OSBPL10: variants seen among roughly 807,000 people sequenced by gnomAD.
OSBPL10 encodes the protein oxysterol binding protein like 10, also known as oxysterol-binding protein-related protein 10.
A neutral mutation model predicts 81.7 loss-of-function variants in OSBPL10; 49 were observed. The observed-to-expected ratio is 0.60, with a 90% confidence interval of 0.48 to 0.76. The LOEUF (loss-of-function observed/expected upper bound fraction) is 0.76. Among genes scored for constraint, OSBPL10 ranks in the 30% least tolerant of loss-of-function variants. OSBPL10 has a pLI of 0.00. For synonymous variants in OSBPL10, 419 were observed against 383.6 expected, an observed-to-expected ratio of 1.09 and a Z score of -1.08; for missense variants, 923 against 987.8, an observed-to-expected ratio of 0.93 and a Z score of 0.88.
rs139173445 is a variant in OSBPL10 at position 32,060,406 on chromosome 3, G to A, written n.186-13803C>T. 6.6e-5 allele frequency among the ~76,000 whole-genome samples: 10 copies of A among 152,192 alleles called. No individual in the cohort carries two copies. In the South Asian group the frequency reaches 8.3e-4, roughly 13 times the overall value. On this transcript the variant is annotated intron_variant and non_coding_transcript_variant, in intron 1 of 3. Transcript: ENST00000479173. Reference sequence around the variant, plus strand: ...TGTCCATCAAATGCCCAGGCCGAACGCCATCATTCTCAACTTCTTGTCCTT... The same window carrying A: ...TGTCCATCAAATGCCCAGGCCGAACACCATCATTCTCAACTTCTTGTCCTT...
intron 6 of OSBPL10, chr3:31,732,690 G>C (rs1013454065): frequency 6.5e-6 from 1 of 152,866 alleles, no homozygotes; most frequent in African/African-American, 2.4e-5. Context: ...AGTCCATGAA[G>C]CCTGTTGGAG....
chr3:31,782,256 C>T (rs985878537), intron 4 of OSBPL10, among the ~76,000 whole-genome samples: 1 of 152,264 alleles, frequency 6.6e-6, no homozygotes, highest in African/African-American at 2.4e-5. Flanking sequence ...GAAGCTGGAT[C>T]CTCATCTTTC....
intron 4 of OSBPL10, among the ~76,000 whole-genome samples, chr3:31,754,436 G>A (rs138656260): frequency 1.3e-5 from 2 of 152,284 alleles, no homozygotes; most frequent in East Asian, 3.9e-4. Context: ...GAGAGAGGGT[G>A]CTGGCTAAAC....
At chr3:31,930,980 A>G (rs1476653968) in intron 1 of OSBPL10, among the ~76,000 whole-genome samples, 1 of 133,412 alleles carries the variant, frequency 7.5e-6, no homozygotes, top group African/African-American at 2.9e-5. Flanking sequence ...CCCCCACTGC[A>G]CTCCAGCCTG....
At position 31,764,119 on chromosome 3, in the gene OSBPL10, A is replaced by G. The variant is rs1293301201; in HGVS notation, c.730-15999T>C. Among the ~76,000 whole-genome samples, 6 of 152,208 alleles carry G rather than the reference A, an allele frequency of 3.9e-5. No individual in the cohort carries two copies. In the East Asian group the frequency reaches 1.2e-3, roughly 29 times the overall value. ...AAAGAGCTAACCGCCCTTTGCAGAC[A>G]CCTGCATTTAGAACTGCTTTCTACT... On this transcript the variant is annotated intron_variant, in intron 4 of 11. Coordinates refer to ENST00000396556, the MANE Select transcript of OSBPL10 (RefSeq NM_017784.5).
intron 1 of OSBPL10, among the ~76,000 whole-genome samples, chr3:31,911,575 C>T (rs986815014): frequency 6.7e-6 from 1 of 148,498 alleles, no homozygotes; most frequent in African/African-American, 2.5e-5. Context: ...TTGGGCCACA[C>T]ATAAAATATA....
intron 1 of OSBPL10, among the ~76,000 whole-genome samples, chr3:31,894,751 G>A (rs1004350635): frequency 9.2e-5 from 14 of 152,154 alleles, no homozygotes; most frequent in Admixed American, 8.5e-4. Flanking sequence ...CTGAAACCAG[G>A]TGTGGCAGAG....
chr3:31,768,604 A>T (rs374380572), intron 4 of OSBPL10, among the ~76,000 whole-genome samples: 3 of 152,160 alleles, frequency 2.0e-5, no homozygotes, highest in African/African-American at 7.2e-5. Flanking sequence ...TCCAGGGATA[A>T]ATTGGCCTAT....
At chr3:31,824,648 G>C (rs937682944) in intron 4 of OSBPL10, among the ~76,000 whole-genome samples, 4 of 152,280 alleles carry the variant, frequency 2.6e-5, no homozygotes, top group East Asian at 3.9e-4. Flanking sequence ...TGGACGCAGA[G>C]TGAGTGATCA....
intron 9 of OSBPL10, among the ~76,000 whole-genome samples, chr3:31,670,098 T>C (rs1700286296): frequency 6.6e-6 from 1 of 152,208 alleles, no homozygotes; most frequent in Non-Finnish European, 1.5e-5. Context: ...AATCAGTTCT[T>C]ACGAGCTGGT....
At chr3:31,670,514 G>A (rs1370595049) in intron 9 of OSBPL10, among the ~76,000 whole-genome samples, 2 of 152,158 alleles carry the variant, frequency 1.3e-5, no homozygotes, top group Non-Finnish European at 2.9e-5. Context: ...ACAAACTGTG[G>A]CTTCAGAAGG....
chr3:31,702,580 A>G, intron 6 of OSBPL10, 72 bp from the exon 7 acceptor site: 1 of 1,583,232 alleles, frequency 6.3e-7, no homozygotes. Context: ...ATGAATTCAC[A>G]TGCTTTGCAA....
At chr3:31,817,154 C>T (rs1342971018) in intron 4 of OSBPL10, among the ~76,000 whole-genome samples, 1 of 152,168 alleles carries the variant, frequency 6.6e-6, no homozygotes, top group Non-Finnish European at 1.5e-5. Flanking sequence ...CTGGAAGAGG[C>T]GCCATGAGTC....
chr3:31,983,422 C>A (rs1160746622), upstream of OSBPL10, among the ~76,000 whole-genome samples: 1 of 152,166 alleles, frequency 6.6e-6, no homozygotes, highest in Non-Finnish European at 1.5e-5. Flanking sequence ...AATGAGCTAG[C>A]ACAACAAATT....
intron 2 of OSBPL10, among the ~76,000 whole-genome samples, chr3:32,013,702 A>T (rs1699283205): frequency 6.6e-6 from 1 of 152,232 alleles, no homozygotes; most frequent in Non-Finnish European, 1.5e-5. Context: ...TGCTAGCAAG[A>T]CTAATAAAGA....
intron 2 of OSBPL10, chr3:32,037,607 A>T: frequency 4.4e-6 from 1 of 227,546 alleles, no homozygotes; most frequent in Non-Finnish European, 8.7e-6. Context: ...TCTCTATAGG[A>T]TGCCATGGCA....
intron 7 of OSBPL10, among the ~76,000 whole-genome samples, chr3:31,699,283 G>A (rs1003578842): frequency 6.6e-6 from 1 of 152,110 alleles, no homozygotes. Flanking sequence ...CCCTTCACAT[G>A]GCCCATAGGC....
At chr3:31,989,031 A>G in intron 2 of OSBPL10, 1 of 1,604,656 alleles carries the variant, frequency 6.2e-7, no homozygotes, top group Middle Eastern at 1.8e-4. Flanking sequence ...CAGGAAGCAG[A>G]TCGCCTCAGT....
chr3:32,008,729 C>T (rs527484472), intron 2 of OSBPL10, among the ~76,000 whole-genome samples: 101 of 147,394 alleles, frequency 6.9e-4, no homozygotes, highest in African/African-American at 2.4e-3. Context: ...CACCACACTC[C>T]AGCCTGGGAG....
Sources: allele counts gnomAD v4.1 joint callset (sites outside exome capture counted in the v4.1 genomes callset), GRCh38; gene constraint gnomAD v4.1.1; transcripts MANE v1.5; gene names NCBI Gene and HGNC (gene_info 2026-07-23, HGNC 2026-07-21).